The following C6 variants were observed in gnomAD, a reference collection of about 807,000 sequenced individuals.
C6 encodes complement C6.
C6 carries 101 observed loss-of-function variants against 112.9 expected under a neutral mutation model. The ratio of observed to expected loss-of-function variants is 0.89; its 90% CI spans 0.76 to 1.06. The LOEUF is 1.06. Among genes scored for constraint, C6 ranks in the 50% least tolerant of loss-of-function variants. The pLI, the probability that C6 is intolerant of heterozygous loss-of-function variation, is 0.00. For synonymous variants in C6, 431 were observed against 384.1 expected (o/e 1.12, Z -1.43); for missense variants, 1,202 against 1,104.6 (o/e 1.09, Z -1.25).
At chr5:41,184,126 T>G (rs1749577549) in intron 6 of C6, among the ~76,000 whole-genome samples, 1 of 140,266 alleles carries the variant, frequency 7.1e-6, no homozygotes, top group African/African-American at 2.6e-5. Flanking sequence ...GAATCTAAAA[T>G]GAAAGTTGAA....
chr5:41,199,660 T>A (rs1390782698), intron 4 of C6, 108 bp downstream of exon 4: 7 of 1,088,980 alleles, frequency 6.4e-6, no homozygotes, highest in Non-Finnish European at 8.5e-6. Context: ...CTGCTTAAAA[T>A]GTGGTGGGAT....
At chr5:41,193,348 T>C (rs1003403411) in intron 5 of C6, among the ~76,000 whole-genome samples, 2 of 152,164 alleles carry the variant, frequency 1.3e-5, no homozygotes, top group African/African-American at 4.8e-5. Flanking sequence ...TATGAAGAAA[T>C]TTTCAGTCTT....
Position 41,179,590 on chromosome 5 carries a change from G to T in C6, c.927+1769C>A, listed in dbSNP as rs1749150882. On this transcript the variant is annotated intron_variant, in intron 7 of 17. Transcript: ENST00000337836. ...TTACAAGAAATTCTGATACTATCTTGTCTTACAAAGATAATTTGTTAAGTT... is the reference window on the plus strand; with the variant it reads ...TTACAAGAAATTCTGATACTATCTTTTCTTACAAAGATAATTTGTTAAGTT... Among the ~76,000 whole-genome samples the T allele has an allele frequency of 2.0e-5, 3 of 151,248 alleles. No individual in the cohort carries two copies. The South Asian group carries it at 6.2e-4, about 31-fold the overall frequency.
chr5:41,192,935 GA>G (rs1203599922), intron 5 of C6, among the ~76,000 whole-genome samples: 1 of 152,112 alleles, frequency 6.6e-6, no homozygotes, highest in African/African-American at 2.4e-5. Context: ...TGGGTATGTT[GA>G]AAACATTCTA....
intron 1 of C6, among the ~76,000 whole-genome samples, chr5:41,211,453 A>T (rs1751920848): frequency 6.6e-6 from 1 of 151,964 alleles, no homozygotes; most frequent in Non-Finnish European, 1.5e-5. Flanking sequence ...TCGGTAAGTA[A>T]CTCGCCTTTC....
chr5:41,157,450 T>G (rs902426203), intron 13 of C6, among the ~76,000 whole-genome samples: 17 of 152,372 alleles, frequency 1.1e-4, no homozygotes, highest in Admixed American at 1.1e-3. Flanking sequence ...GATAGTCATC[T>G]GTAGGCCATA....
intron 1 of C6, among the ~76,000 whole-genome samples, chr5:41,208,530 A>G (rs1334491084): frequency 1.3e-5 from 2 of 152,216 alleles, no homozygotes; most frequent in Admixed American, 6.5e-5. Context: ...AAAAAATGAT[A>G]AAGGGGATAT....
intron 11 of C6, among the ~76,000 whole-genome samples, chr5:41,159,629 T>C (rs959145804): frequency 6.6e-6 from 1 of 152,180 alleles, no homozygotes; most frequent in African/African-American, 2.4e-5. Flanking sequence ...GGAAGTAGTA[T>C]ACATTCTTAC....
intron 1 of C6, among the ~76,000 whole-genome samples, chr5:41,246,622 G>A (rs1741035994): frequency 6.6e-6 from 1 of 152,158 alleles, no homozygotes; most frequent in African/African-American, 2.4e-5. Context: ...AAAAAGCCTG[G>A]AGATGCTGTG....
At chr5:41,157,954 A>G (rs1029081054) in intron 13 of C6, among the ~76,000 whole-genome samples, 3 of 152,192 alleles carry the variant, frequency 2.0e-5, no homozygotes, top group African/African-American at 4.8e-5. Flanking sequence ...GAATAAAACT[A>G]TTTGCTGGAC....
At chr5:41,254,799 A>G (rs1741580184) in intron 1 of C6, among the ~76,000 whole-genome samples, 1 of 152,248 alleles carries the variant, frequency 6.6e-6, no homozygotes, top group African/African-American at 2.4e-5. Flanking sequence ...AGAAAGCAAG[A>G]TTTACAGGAA....
chr5:41,146,230 C>G (rs1448324858), intron 17 of C6, among the ~76,000 whole-genome samples: 3 of 152,044 alleles, frequency 2.0e-5, no homozygotes, highest in African/African-American at 7.2e-5. Flanking sequence ...TACTTAATAT[C>G]TATAAAATAG....
intron 9 of C6, among the ~76,000 whole-genome samples, chr5:41,169,033 G>C (rs569674108): frequency 1.1e-4 from 16 of 152,226 alleles, no homozygotes; most frequent in Non-Finnish European, 1.3e-4. Flanking sequence ...TTGAGAAAGA[G>C]TGGTAGACAA....
intron 5 of C6, among the ~76,000 whole-genome samples, chr5:41,190,085 T>C (rs1750080808): frequency 6.6e-6 from 1 of 152,224 alleles, no homozygotes; most frequent in South Asian, 2.1e-4. Context: ...GATGCAGATA[T>C]CTGTTCAGTA....
At chr5:41,155,227 A>G (rs929875086) in intron 13 of C6, 123 bp from the exon 14 acceptor site, 3 of 853,074 alleles carry the variant, frequency 3.5e-6, no homozygotes, top group Non-Finnish European at 3.7e-6. Flanking sequence ...AGTCCTCTCA[A>G]TTTCTACTTC....
At chr5:41,188,226 A>G (rs1446485591) in intron 5 of C6, among the ~76,000 whole-genome samples, 1 of 152,148 alleles carries the variant, frequency 6.6e-6, no homozygotes, top group Non-Finnish European at 1.5e-5. Flanking sequence ...TATAGATTCA[A>G]GACAATCATT....
intron 1 of C6, among the ~76,000 whole-genome samples, chr5:41,208,737 C>T (rs535913553): frequency 1.8e-4 from 27 of 152,082 alleles, no homozygotes; most frequent in African/African-American, 6.5e-4. Context: ...TAATAGCTTA[C>T]CAACCAAAAA....
intron 5 of C6, 172 bp from the exon 6 acceptor site, chr5:41,186,380 G>A: frequency 1.5e-6 from 1 of 665,810 alleles, no homozygotes; most frequent in South Asian, 1.9e-5. Flanking sequence ...AGGCATGCAA[G>A]GAAGCTGGAA....
At chr5:41,144,800 T>C (rs1745664745) in intron 17 of C6, among the ~76,000 whole-genome samples, 3 of 152,186 alleles carry the variant, frequency 2.0e-5, no homozygotes, top group African/African-American at 7.2e-5. Context: ...ATGTTCTCAT[T>C]GTTTAGCTCC....
Sources: gnomAD v4.1 joint callset for allele counts (sites outside exome capture counted in the v4.1 genomes callset) on GRCh38, gnomAD v4.1.1 for gene constraint, MANE v1.5 for transcripts, NCBI Gene and HGNC (gene_info 2026-07-23, HGNC 2026-07-21) for gene names.